VPS13A: variants seen among roughly 807,000 people sequenced by gnomAD.
The protein encoded by VPS13A is vacuolar protein sorting 13 homolog A.
In VPS13A, 264 loss-of-function variants were observed where a neutral mutation model predicts 390.9. The observed-to-expected ratio is 0.68, with a 90% confidence interval of 0.61 to 0.75. The LOEUF is 0.75. Among genes scored for constraint, VPS13A ranks in the 30% least tolerant of loss-of-function variants. The probability of loss-of-function intolerance (pLI) is 0.00; values close to 1 mark genes in which losing one functional copy is unlikely to be tolerated. For missense variants in VPS13A, 3,409 were observed against 3,733.9 expected (o/e 0.91, Z 2.27); for synonymous variants, 1,231 against 1,227.1 (o/e 1.00, Z -0.07).
intron 58 of VPS13A, among the ~76,000 whole-genome samples, chr9:77,359,998 C>T (rs1179767710): frequency 6.6e-6 from 1 of 151,904 alleles, no homozygotes; most frequent in East Asian, 1.9e-4. Context: ...CACTCACTAC[C>T]CATTCCAAGA....
intron 3 of VPS13A, among the ~76,000 whole-genome samples, chr9:77,204,412 A>G (rs1825516399): frequency 6.6e-6 from 1 of 151,772 alleles, no homozygotes; most frequent in African/African-American, 2.4e-5. Context: ...TTGCTGTTTG[A>G]TTTTCTTAGG....
chr9:77,199,292 C>A (rs896323175), intron 1 of VPS13A, among the ~76,000 whole-genome samples: 1 of 152,134 alleles, frequency 6.6e-6, no homozygotes, highest in Non-Finnish European at 1.5e-5. Flanking sequence ...TCAGCCTCCT[C>A]AAGTAGCTGG....
chr9:77,420,032 A>T lies in VPS13A; in HGVS notation c.*4026A>T, dbSNP rs1835298831. On this transcript the variant is annotated 3_prime_UTR_variant, in exon 72 of 72. Transcript: ENST00000360280. ...TGTATGCAGGACTCAATACAGACTT[A>T]GTCAATCTGATTTTTTTTGGTGCTT... The T allele has an allele frequency of 6.6e-6, 1 of 152,228 alleles. No homozygotes were observed. 9.4% of individuals were successfully genotyped at this position (152,228 alleles called of 1,614,324 possible).
intron 34 of VPS13A, among the ~76,000 whole-genome samples, chr9:77,304,420 G>A (rs1273974470): frequency 2.0e-5 from 3 of 152,148 alleles, no homozygotes; most frequent in Non-Finnish European, 4.4e-5. Flanking sequence ...CATAGGCACA[G>A]TAACAGTCTG....
rs113651539 is a variant in VPS13A, at chr9:77,382,862, A to G, written c.9189+775A>G. On this transcript the variant is annotated intron_variant, in intron 68 of 71. Transcript: ENST00000360280. ...GTTTGAAGTTAGAATCTGCTTAGAC[A>G]ACTTTCTTACTTGGTAAATTCGACT... 425 of 985,424 alleles carry G rather than the reference A, an allele frequency of 4.3e-4. 1 individual carries two copies. In the African/African-American group the frequency reaches 6.9e-3, roughly 16 times the overall value. 61.0% of individuals were successfully genotyped at this position (985,424 alleles called of 1,614,324 possible). A position where few individuals can be genotyped will look rare whatever the true frequency, so the allele number is the denominator to read the frequency against.
At chr9:77,256,474 A>C (rs1735556468) in intron 22 of VPS13A, among the ~76,000 whole-genome samples, 1 of 152,010 alleles carries the variant, frequency 6.6e-6, no homozygotes, top group African/African-American at 2.4e-5. Context: ...TCCTGGATGG[A>C]GTGTTCTATA....
chr9:77,344,901 T>A (rs1463976029), intron 51 of VPS13A, 108 bp from the exon 52 acceptor site: 4 of 1,249,144 alleles, frequency 3.2e-6, no homozygotes, highest in Non-Finnish European at 4.5e-6. Flanking sequence ...TTCTCAGTCA[T>A]CCCAAAAATT....
chr9:77,303,666 G>A (rs1469114714), intron 34 of VPS13A, among the ~76,000 whole-genome samples: 1 of 152,108 alleles, frequency 6.6e-6, no homozygotes, highest in Admixed American at 6.6e-5. Context: ...TGGTAATAAG[G>A]AGAAGGTCAG....
intron 34 of VPS13A, 44 bp from the exon 35 acceptor site, chr9:77,307,901 T>C: frequency 6.7e-7 from 1 of 1,484,502 alleles, no homozygotes; most frequent in Non-Finnish European, 9.3e-7. Flanking sequence ...AATTCTGCAA[T>C]GAAGTAGCAG....
At chr9:77,271,736 T>G (rs1430438217) in intron 23 of VPS13A, among the ~76,000 whole-genome samples, 1 of 152,168 alleles carries the variant, frequency 6.6e-6, no homozygotes, top group Non-Finnish European at 1.5e-5. Flanking sequence ...ACTTGGCAAT[T>G]CATTTAAGAA....
At chr9:77,321,080 C>T (rs1452360627) in intron 42 of VPS13A, 89 bp from the exon 43 acceptor site, 6 of 1,200,150 alleles carry the variant, frequency 5.0e-6, no homozygotes, top group South Asian at 1.3e-5. Context: ...ATAAAATGTA[C>T]TGACCTTTCT....
Position 77,398,825 on chromosome 9 carries a change from C to T in VPS13A, c.9190-4411C>T, listed in dbSNP as rs575712974. ...ACAGTCACTCTAATAACAAAGGATACGGTTGGCAGCCATAAAAAATGATGA... is the reference window on the plus strand; with the variant it reads ...ACAGTCACTCTAATAACAAAGGATATGGTTGGCAGCCATAAAAAATGATGA... On this transcript the variant is annotated intron_variant, in intron 68 of 71. Coordinates refer to ENST00000360280, the MANE Select transcript of VPS13A (RefSeq NM_033305.3). 2.1e-4 allele frequency among the ~76,000 whole-genome samples: 32 copies of T among 152,032 alleles called. 1 individual carries two copies. Among genetic ancestry groups the T allele is most frequent in the African/African-American group, 3.1e-4 (13 of 41,486 alleles).
chr9:77,269,081 C>A (rs1356358427), intron 23 of VPS13A, among the ~76,000 whole-genome samples: 4 of 151,996 alleles, frequency 2.6e-5, no homozygotes, highest in African/African-American at 9.7e-5. Flanking sequence ...AATTTTGATA[C>A]AATTGACTTT....
At chr9:77,270,654 A>G (rs1206426247) in intron 23 of VPS13A, among the ~76,000 whole-genome samples, 1 of 152,120 alleles carries the variant, frequency 6.6e-6, no homozygotes, top group Non-Finnish European at 1.5e-5. Context: ...TTGTGCCACT[A>G]CACTCCAGCC....
intron 19 of VPS13A, among the ~76,000 whole-genome samples, chr9:77,243,046 A>T (rs975966903): frequency 2.2e-4 from 34 of 152,090 alleles, no homozygotes; most frequent in Non-Finnish European, 4.4e-4. Context: ...GAAAGTTAAA[A>T]TTTACCTATT....
At chr9:77,364,167 T>C (rs949758703) in intron 59 of VPS13A, among the ~76,000 whole-genome samples, 1 of 152,152 alleles carries the variant, frequency 6.6e-6, no homozygotes, top group Admixed American at 6.5e-5. Flanking sequence ...GGCTCACGCC[T>C]GTAATCCCAG....
chr9:77,207,252 T>TATATATATATATAAAA, intron 5 of VPS13A, among the ~76,000 whole-genome samples: 1 of 87,274 alleles, frequency 1.1e-5, no homozygotes, highest in Non-Finnish European at 2.3e-5. Flanking sequence ...TATATATATA[T>TATATATATATATAAAA]AAAACGTGTT....
At chr9:77,288,543 T>C (rs1284175559) in intron 31 of VPS13A, among the ~76,000 whole-genome samples, 1 of 152,244 alleles carries the variant, frequency 6.6e-6, no homozygotes, top group Non-Finnish European at 1.5e-5. Context: ...TTTAGAAATA[T>C]GTTATTTAAC....
intron 23 of VPS13A, among the ~76,000 whole-genome samples, chr9:77,264,921 T>C (rs1825947931): frequency 6.6e-6 from 1 of 152,238 alleles, no homozygotes; most frequent in Non-Finnish European, 1.5e-5. Flanking sequence ...CAGTATGATA[T>C]TGTTTGTTGC....
Sources: allele counts gnomAD v4.1 joint callset (sites outside exome capture counted in the v4.1 genomes callset), GRCh38; gene constraint gnomAD v4.1.1; transcripts MANE v1.5; gene names NCBI Gene and HGNC (gene_info 2026-07-23, HGNC 2026-07-21).